The following ST7 variants were observed in gnomAD, a reference collection of about 807,000 sequenced individuals.
The protein encoded by ST7 is suppression of tumorigenicity 7, also known as suppressor of tumorigenicity 7 protein.
A neutral mutation model predicts 78.7 loss-of-function variants in ST7; 28 were observed. The observed-to-expected ratio is 0.36, with a 90% CI of 0.26 to 0.49. The LOEUF (loss-of-function observed/expected upper bound fraction) is 0.49, where lower values mean the gene tolerates loss of function less well. Ranked by LOEUF, ST7 falls within the 20% of genes least tolerant of loss-of-function variation. The pLI, the probability that ST7 is intolerant of heterozygous loss-of-function variation, is 0.99. For synonymous variants in ST7, 247 were observed against 249.6 expected, an observed-to-expected ratio of 0.99 and a Z score of 0.10; for missense variants, 418 against 696.0, an observed-to-expected ratio of 0.60 and a Z score of 4.49.
chr7:117,000,655 CTTT>C (rs1377974807), intron 1 of ST7, among the ~76,000 whole-genome samples: 1 of 152,148 alleles, frequency 6.6e-6, no homozygotes, highest in East Asian at 1.9e-4. Flanking sequence ...TTTTTCAGAG[CTTT>C]GTGTGACTTA....
chr7:117,122,812 G>GT (rs1001016252), intron 3 of ST7, among the ~76,000 whole-genome samples: 20 of 152,176 alleles, frequency 1.3e-4, no homozygotes, highest in East Asian at 3.9e-4. Flanking sequence ...TGCTGTTTCT[G>GT]TTTTTTTGTG....
chr7:117,218,890 T>C lies in ST7; in HGVS notation c.1406-194T>C. The C allele has an allele frequency of 9.0e-6, 5 of 555,168 alleles. No individual in the cohort carries two copies. In the East Asian group the frequency reaches 1.6e-4, roughly 17 times the overall value. The allele number at this position is 555,168 out of a possible 1,614,324, so 34.4% of individuals were successfully genotyped here. A position where few individuals can be genotyped will look rare whatever the true frequency, so the allele number is the denominator to read the frequency against. The stretch of plus-strand genomic sequence containing the variant: ...TGTGAGGTTTGCTCAGAATATATAG[T>C]GTGAGATGAATGTGTGAGTAATCCA... On this transcript the variant is annotated intron_variant, in intron 13 of 15. Coordinates refer to ENST00000323984, the MANE Select transcript of ST7 (RefSeq NM_001369598.1).
intron 9 of ST7, among the ~76,000 whole-genome samples, chr7:117,161,494 A>G (rs1294436713): frequency 6.6e-6 from 1 of 151,392 alleles, no homozygotes; most frequent in Non-Finnish European, 1.5e-5. Flanking sequence ...ATAAAATAAT[A>G]TAGATAAAGC....
At chr7:116,961,609 T>C (rs1269332740) in intron 1 of ST7, among the ~76,000 whole-genome samples, 1 of 148,672 alleles carries the variant, frequency 6.7e-6, no homozygotes, top group Non-Finnish European at 1.5e-5. Flanking sequence ...GGGGCAATTG[T>C]GAATAGGTCT....
At chr7:117,102,262 G>A (rs780833976) in intron 2 of ST7, among the ~76,000 whole-genome samples, 16 of 152,246 alleles carry the variant, frequency 1.1e-4, no homozygotes, top group African/African-American at 2.9e-4. Context: ...CACATTTGTC[G>A]GGGCGGGGGC....
chr7:117,216,118 A>T (rs1434175276), intron 13 of ST7, among the ~76,000 whole-genome samples: 1 of 152,192 alleles, frequency 6.6e-6, no homozygotes, highest in Non-Finnish European at 1.5e-5. Flanking sequence ...TGACGGGAAC[A>T]GCACTGATAG....
chr7:117,169,411 T>C (rs988806411), intron 9 of ST7, among the ~76,000 whole-genome samples: 10 of 152,010 alleles, frequency 6.6e-5, no homozygotes, highest in Admixed American at 2.6e-4. Flanking sequence ...GCTGGGATTA[T>C]AGTCATGAGC....
At chr7:117,115,672 G>A (rs1366139758) in intron 2 of ST7, among the ~76,000 whole-genome samples, 1 of 150,870 alleles carries the variant, frequency 6.6e-6, no homozygotes, top group African/African-American at 2.4e-5. Flanking sequence ...ACTTTTTAAA[G>A]GCAGAATGGA....
At chr7:117,117,024 C>T (rs554891889) in intron 2 of ST7, among the ~76,000 whole-genome samples, 20 of 152,236 alleles carry the variant, frequency 1.3e-4, no homozygotes, top group South Asian at 6.2e-4. Context: ...TCTGTTTATA[C>T]GAAGCAAGGG....
chr7:116,958,676 C>T (rs1363557236), intron 1 of ST7: 16 of 471,036 alleles, frequency 3.4e-5, no homozygotes, highest in Non-Finnish European at 6.2e-5. Context: ...TTCCCGGCCA[C>T]TGCAATAAAG....
chr7:117,070,700 C>A lies in ST7; in HGVS notation c.152-29062C>A, dbSNP rs564275256. 1.1e-4 allele frequency among the ~76,000 whole-genome samples: 16 copies of A among 151,852 alleles called. No individual in the cohort carries two copies. The East Asian group carries it at 3.2e-3, about 30-fold the overall frequency. Reference sequence around the variant, plus strand: ...GGACTACAGGCGCCCGCCACCATGCCCTGCTAATTTCTTTTTGTATTTTTA... The same window carrying A: ...GGACTACAGGCGCCCGCCACCATGCACTGCTAATTTCTTTTTGTATTTTTA... On this transcript the variant is annotated intron_variant, in intron 1 of 15. Coordinates refer to ENST00000323984, the MANE Select transcript of ST7 (RefSeq NM_001369598.1).
At chr7:117,228,082 A>T (rs1050401712) in intron 15 of ST7, among the ~76,000 whole-genome samples, 2 of 152,144 alleles carry the variant, frequency 1.3e-5, no homozygotes, top group Non-Finnish European at 2.9e-5. Context: ...TTGACTGTTT[A>T]TTGAGCCTGG....
chr7:117,129,803 A>G lies in ST7; in HGVS notation c.405A>G (p.Val135=), dbSNP rs758451220. The change falls in exon 4 of 16, where the codon GTA becomes GTG. Residue 135 remains valine, a synonymous_variant. Transcript: ENST00000323984. ...SNRQSVSECK[V]WRNPLNLFRG... ...TTCTCTTTGTTGCAGAATGCAAAGT[A>G]TGGCGAAATCCACTAAATTTATTTA... 2 of 1,610,236 alleles carry G rather than the reference A, an allele frequency of 1.2e-6. No homozygotes were observed. Among genetic ancestry groups the G allele is most frequent in the East Asian group, 4.5e-5 (2 of 44,784 alleles).
chr7:117,110,446 T>C (rs1802338186), intron 2 of ST7, among the ~76,000 whole-genome samples: 1 of 152,194 alleles, frequency 6.6e-6, no homozygotes, highest in South Asian at 2.1e-4. Flanking sequence ...AACAGGGTCA[T>C]TGCTAATGGT....
intron 1 of ST7, among the ~76,000 whole-genome samples, chr7:116,971,709 C>A (rs1255411921): frequency 6.6e-6 from 1 of 152,130 alleles, no homozygotes; most frequent in Non-Finnish European, 1.5e-5. Context: ...CTCTGTTTGG[C>A]TCTCAGTAAG....
In ST7 at chr7:117,122,760, A is replaced by G. The variant is rs543359188; in HGVS notation, c.394+3040A>G. 3.9e-5 allele frequency among the ~76,000 whole-genome samples: 6 copies of G among 152,290 alleles called. No homozygotes were observed. In the South Asian group the frequency reaches 6.2e-4, roughly 16 times the overall value. On this transcript the variant is annotated intron_variant, in intron 3 of 15. Coordinates refer to ENST00000323984, the MANE Select transcript of ST7 (RefSeq NM_001369598.1). ...GGCTGACTCAGCTAAACAAACATGTATGCTAGTTTGGAAGTGCCAGATACC... is the reference window on the plus strand; with the variant it reads ...GGCTGACTCAGCTAAACAAACATGTGTGCTAGTTTGGAAGTGCCAGATACC...
At chr7:117,114,870 T>C (rs1802732247) in intron 2 of ST7, among the ~76,000 whole-genome samples, 2 of 152,210 alleles carry the variant, frequency 1.3e-5, no homozygotes, top group South Asian at 2.1e-4. Context: ...CTTTGTCTGA[T>C]TTTTGTTCCC....
intron 6 of ST7, among the ~76,000 whole-genome samples, chr7:117,132,364 T>TA (rs964370743): frequency 6.0e-5 from 9 of 150,510 alleles, no homozygotes; most frequent in South Asian, 2.1e-4. Context: ...ACATAAGGTT[T>TA]AAAAAAAAAA....
chr7:117,004,064 CT>C (rs1795054793), intron 1 of ST7, among the ~76,000 whole-genome samples: 1 of 152,016 alleles, frequency 6.6e-6, no homozygotes, highest in Non-Finnish European at 1.5e-5. Flanking sequence ...TAGGTTTTTT[CT>C]TTTTTGAAAA....
Sources: gnomAD v4.1 joint callset for allele counts (sites outside exome capture counted in the v4.1 genomes callset) on GRCh38, gnomAD v4.1.1 for gene constraint, MANE v1.5 for transcripts, NCBI Gene and HGNC (gene_info 2026-07-23, HGNC 2026-07-21) for gene names.